Variants in ATP2B2 observed in about 807,000 individuals in gnomAD.
The protein encoded by ATP2B2 is ATPase plasma membrane Ca2+ transporting 2.
In ATP2B2, 15 loss-of-function variants were observed where a neutral mutation model predicts 120.0. The observed-to-expected ratio is 0.12, with a 90% CI of 0.08 to 0.19. The LOEUF is 0.19. Among genes scored for constraint, ATP2B2 ranks in the 10% least tolerant of loss-of-function variants. ATP2B2 has a pLI of 1.00. For synonymous variants in ATP2B2, 694 were observed against 700.3 expected, an observed-to-expected ratio of 0.99 and a Z score of 0.14; for missense variants, 1,045 against 1,719.8, an observed-to-expected ratio of 0.61 and a Z score of 6.94.
intron 1 of ATP2B2, among the ~76,000 whole-genome samples, chr3:10,686,538 C>A (rs898043056): frequency 1.3e-5 from 2 of 151,978 alleles, no homozygotes; most frequent in Non-Finnish European, 2.9e-5. Flanking sequence ...CCTGTAGTCC[C>A]AGCTACTCGG....
At chr3:10,654,024 C>T (rs575263959) in intron 1 of ATP2B2, among the ~76,000 whole-genome samples, 2 of 152,238 alleles carry the variant, frequency 1.3e-5, no homozygotes, top group African/African-American at 4.8e-5. Context: ...CTCATTATTG[C>T]TGAACTCTTA....
intron 2 of ATP2B2, among the ~76,000 whole-genome samples, chr3:10,442,686 C>T (rs1485692469): frequency 1.3e-5 from 2 of 152,074 alleles, no homozygotes; most frequent in African/African-American, 2.4e-5. Context: ...TTAACCAAGA[C>T]TCACATGCAT....
At chr3:10,382,948 C>T (rs2061574015) in intron 8 of ATP2B2, among the ~76,000 whole-genome samples, 1 of 151,886 alleles carries the variant, frequency 6.6e-6, no homozygotes, top group South Asian at 2.1e-4. Flanking sequence ...CACCTTGTGC[C>T]TCTCCACCTG....
At chr3:10,380,592 G>C (rs2061504868) in intron 8 of ATP2B2, among the ~76,000 whole-genome samples, 1 of 152,194 alleles carries the variant, frequency 6.6e-6, no homozygotes, top group African/African-American at 2.4e-5. Flanking sequence ...TGGGTAAATG[G>C]AGAGCTGGCC....
chr3:10,414,122 A>G (rs1214376837), intron 2 of ATP2B2, among the ~76,000 whole-genome samples: 2 of 152,226 alleles, frequency 1.3e-5, no homozygotes, highest in African/African-American at 4.8e-5. Context: ...GGAGCTCCTC[A>G]TAAGATTTGG....
chr3:10,455,122 A>G (rs2125209085), intron 1 of ATP2B2, among the ~76,000 whole-genome samples: 1 of 152,336 alleles, frequency 6.6e-6, no homozygotes, highest in East Asian at 1.9e-4. Context: ...GACTTTAGAT[A>G]GGTCCTCAGA....
Position 10,426,030 on chromosome 3 carries a change from G to A in ATP2B2, c.200-15215C>T, listed in dbSNP as rs57443226. Among the ~76,000 whole-genome samples, 1,148 of 152,028 alleles carry A rather than the reference G, an allele frequency of 7.6e-3. 17 individuals carry two copies. The highest frequency in any genetic ancestry group is 0.026 in the African/African-American group (1,061 of 41,440). ...AGTCTCATTCCCCCTTCCCATCATT[G>A]TGCTCCAGTGACACCAGCCTCTTTT... On this transcript the variant is annotated intron_variant, in intron 2 of 22. Coordinates refer to ENST00000360273, the MANE Select transcript of ATP2B2 (RefSeq NM_001001331.4).
chr3:10,622,091 C>G (rs1251570006), intron 1 of ATP2B2, among the ~76,000 whole-genome samples: 2 of 152,190 alleles, frequency 1.3e-5, no homozygotes, highest in Non-Finnish European at 2.9e-5. Flanking sequence ...GGCCACCTGT[C>G]ACGCCCAGCA....
At chr3:10,421,181 A>G (rs1249779278) in intron 2 of ATP2B2, among the ~76,000 whole-genome samples, 1 of 152,162 alleles carries the variant, frequency 6.6e-6, no homozygotes, top group Non-Finnish European at 1.5e-5. Context: ...GAAGCCTAAT[A>G]CTTGCCAGGT....
intron 6 of ATP2B2, 169 bp downstream of exon 6, chr3:10,388,108 A>T: frequency 2.2e-6 from 2 of 922,992 alleles, no homozygotes; most frequent in Non-Finnish European, 3.4e-6. Context: ...GATGGAACAG[A>T]CAGAGCCTAC....
Position 10,346,219 on chromosome 3 carries a change from C to G in ATP2B2, c.2405-82G>C. On this transcript the variant is annotated intron_variant, in intron 16 of 22. Coordinates refer to ENST00000360273, the MANE Select transcript of ATP2B2 (RefSeq NM_001001331.4). This position sits in a 1 kb window ranked among gnomAD's most constrained non-coding sequence, Gnocchi z 4.1. ...GCCAGCCCTGGTCCTCGGGAGGGGC[C>G]TGGCTGGGCATGGCTTCCTCTCTGG... The G allele has an allele frequency of 1.4e-6, 2 of 1,395,526 alleles. No homozygotes were observed. Among genetic ancestry groups the G allele is most frequent in the Non-Finnish European group, 2.0e-6 (2 of 1,000,906 alleles). 86.4% of individuals were successfully genotyped at this position (1,395,526 alleles called of 1,614,324 possible).
At chr3:10,702,242 G>A (rs1418566586) in intron 1 of ATP2B2, among the ~76,000 whole-genome samples, 2 of 152,222 alleles carry the variant, frequency 1.3e-5, no homozygotes. Context: ...CAGGCTTGCT[G>A]TGAGGACTAG....
At chr3:10,569,784 G>A (rs1026074790) in intron 2 of ATP2B2, among the ~76,000 whole-genome samples, 6 of 152,116 alleles carry the variant, frequency 3.9e-5, no homozygotes, top group African/African-American at 1.2e-4. Context: ...ACAACCGGAG[G>A]CTGAACCCTA....
chr3:10,485,012 C>T (rs564344989), intron 1 of ATP2B2, among the ~76,000 whole-genome samples: 17 of 152,178 alleles, frequency 1.1e-4, no homozygotes, highest in African/African-American at 3.6e-4. Flanking sequence ...GCTGACCTGA[C>T]GCAGACCCCC....
chr3:10,637,806 C>A (rs1210966187), intron 1 of ATP2B2, among the ~76,000 whole-genome samples: 1 of 151,822 alleles, frequency 6.6e-6, no homozygotes, highest in Non-Finnish European at 1.5e-5. Context: ...TCAAAGAACC[C>A]CAAGCACAAG....
At chr3:10,474,644 C>T (rs1038203262) in intron 1 of ATP2B2, among the ~76,000 whole-genome samples, 2 of 152,256 alleles carry the variant, frequency 1.3e-5, no homozygotes, top group African/African-American at 4.8e-5. Flanking sequence ...CCTGCTTCTT[C>T]AGGCTCATAT....
chr3:10,634,788 G>A (rs906429664), intron 1 of ATP2B2, among the ~76,000 whole-genome samples: 3 of 152,128 alleles, frequency 2.0e-5, no homozygotes, highest in African/African-American at 4.8e-5. Context: ...TCCCCTAAAG[G>A]AGCTCCCCTG....
chr3:10,362,410 C>G (rs9848520), intron 12 of ATP2B2, among the ~76,000 whole-genome samples: 2,801 of 152,310 alleles, frequency 0.018, 71 homozygotes, highest in African/African-American at 0.063. Context: ...GGGGGGAATA[C>G]AGGCATTGAC....
chr3:10,592,348 A>G (rs1459459742), intron 2 of ATP2B2, among the ~76,000 whole-genome samples: 1 of 152,244 alleles, frequency 6.6e-6, no homozygotes, highest in Non-Finnish European at 1.5e-5. Flanking sequence ...AGTCAAACAT[A>G]AATAAAGTCA....
Sources: gnomAD v4.1 joint callset for allele counts (sites outside exome capture counted in the v4.1 genomes callset) on GRCh38, gnomAD v4.1.1 for gene constraint, Gnocchi (gnomAD v3.1) non-coding constraint, MANE v1.5 for transcripts, NCBI Gene and HGNC (gene_info 2026-07-23, HGNC 2026-07-21) for gene names.